Variants in TJP1 observed in about 807,000 individuals in gnomAD.
TJP1 encodes tight junction protein 1.
TJP1 carries 43 observed loss-of-function variants against 194.2 expected under a neutral mutation model. That is an observed-to-expected ratio of 0.22 (90% CI 0.17 to 0.29). The LOEUF (loss-of-function observed/expected upper bound fraction) is 0.29, where lower values mean the gene tolerates loss of function less well. Among genes scored for constraint, TJP1 ranks in the 10% least tolerant of loss-of-function variants. The pLI is 1.00. For missense variants in TJP1, 1,971 were observed against 2,185.7 expected (o/e 0.90, Z 1.96); for synonymous variants, 801 against 779.0 (o/e 1.03, Z -0.47).
chr15:29,916,709 A>C (rs2054198110), intron 2 of TJP1, among the ~76,000 whole-genome samples: 1 of 152,204 alleles, frequency 6.6e-6, no homozygotes, highest in Non-Finnish European at 1.5e-5. Flanking sequence ...CAAAGATGGG[A>C]TTCTTTCTTA....
rs964039773 is a variant in TJP1 at position 29,915,349 on chromosome 15, A to G, written c.306+40883T>C. Reference sequence around the variant, plus strand: ...TTTTTTGAGATTCTGTTTACTGGCCAACTACTATAAGAATTAACCAAAAAC... The same window carrying G: ...TTTTTTGAGATTCTGTTTACTGGCCGACTACTATAAGAATTAACCAAAAAC... On this transcript the variant is annotated intron_variant, in intron 2 of 28. Transcript: ENST00000356107. Among the ~76,000 whole-genome samples, 17 of 152,284 alleles carry G rather than the reference A, an allele frequency of 1.1e-4. No individual in the cohort carries two copies. In the East Asian group the frequency reaches 3.1e-3, roughly 28 times the overall value.
intron 2 of TJP1, among the ~76,000 whole-genome samples, chr15:29,938,648 A>G (rs1463613902): frequency 6.6e-6 from 1 of 152,220 alleles, no homozygotes; most frequent in Admixed American, 6.5e-5. Flanking sequence ...AGGGTGTCTG[A>G]AATTTCCACT....
intron 2 of TJP1, among the ~76,000 whole-genome samples, chr15:29,917,163 T>C (rs1181143586): frequency 6.6e-6 from 1 of 152,182 alleles, no homozygotes; most frequent in Non-Finnish European, 1.5e-5. Context: ...ACCTTGAAGG[T>C]GTCTATAGCT....
At chr15:29,727,825 GT>G (rs1466280953) in intron 16 of TJP1, 111 bp downstream of exon 16, 20 of 763,816 alleles carry the variant, frequency 2.6e-5, no homozygotes, top group Non-Finnish European at 3.7e-5. Context: ...TTTTCTTATA[GT>G]ATGTCAGTAA....
intron 1 of TJP1, among the ~76,000 whole-genome samples, chr15:29,818,443 C>A (rs2050087024): frequency 6.6e-6 from 1 of 152,222 alleles, no homozygotes; most frequent in Non-Finnish European, 1.5e-5. Flanking sequence ...ATCAAATACA[C>A]CAGTAAACAA....
chr15:29,913,180 G>A (rs2054075572), intron 2 of TJP1, among the ~76,000 whole-genome samples: 1 of 148,094 alleles, frequency 6.8e-6, no homozygotes, highest in Admixed American at 6.7e-5. Flanking sequence ...CATGAAAGCA[G>A]GGGGATCACA....
At chr15:29,861,392 G>A (rs887000893) in intron 2 of TJP1, among the ~76,000 whole-genome samples, 3 of 152,124 alleles carry the variant, frequency 2.0e-5, no homozygotes, top group Non-Finnish European at 2.9e-5. Context: ...ACTTCCTGAC[G>A]ATTAACCCAT....
intron 2 of TJP1, among the ~76,000 whole-genome samples, chr15:29,865,530 G>T (rs2052271889): frequency 1.3e-5 from 2 of 152,160 alleles, no homozygotes; most frequent in African/African-American, 2.4e-5. Context: ...AAGTTCCGAA[G>T]AAGTGCATTT....
At chr15:29,825,989 T>C (rs912581989), upstream of TJP1, among the ~76,000 whole-genome samples, 13 of 152,070 alleles carry the variant, frequency 8.5e-5, no homozygotes, top group Admixed American at 7.2e-4. Flanking sequence ...AATATAGGAG[T>C]ACCAACTTTT....
At chr15:29,739,276 T>A (rs568722892) in intron 10 of TJP1, among the ~76,000 whole-genome samples, 5 of 152,174 alleles carry the variant, frequency 3.3e-5, no homozygotes, top group Non-Finnish European at 2.9e-5. Flanking sequence ...CCTGCCTGCA[T>A]TATATTAACT....
chr15:29,768,706 T>C (rs2046468114), intron 4 of TJP1, among the ~76,000 whole-genome samples: 3 of 152,194 alleles, frequency 2.0e-5, no homozygotes, highest in Admixed American at 1.3e-4. Context: ...GCTTAACTTA[T>C]TGAAAGGTAA....
At chr15:29,906,831 C>T (rs915959207) in intron 2 of TJP1, among the ~76,000 whole-genome samples, 16 of 151,962 alleles carry the variant, frequency 1.1e-4, no homozygotes, top group African/African-American at 3.9e-4. Context: ...CTGCCCTTCT[C>T]AGTCTCCCAA....
rs1052862121 is a variant in TJP1, at chr15:29,738,012, C to T, written c.1257-598G>A. 1.7e-4 allele frequency among the ~76,000 whole-genome samples: 26 copies of T among 152,074 alleles called. 1 individual carries two copies. Among genetic ancestry groups the T allele is most frequent in the African/African-American group, 6.3e-4 (26 of 41,402 alleles). On this transcript the variant is annotated intron_variant, in intron 10 of 27. Coordinates refer to ENST00000614355, the MANE Select transcript of TJP1 (RefSeq NM_001330239.4). ...CAATACAAATCATATAGTCATTCAG[C>T]CTTTCTACATTAGCCCCATATCCAT...
chr15:29,743,403 C>A (rs2044555629), intron 8 of TJP1, among the ~76,000 whole-genome samples: 1 of 152,088 alleles, frequency 6.6e-6, no homozygotes, highest in African/African-American at 2.4e-5. Context: ...ATGTACTGAC[C>A]TAAGTAACAT....
At chr15:29,721,145 C>A (rs550436279) in intron 18 of TJP1, among the ~76,000 whole-genome samples, 71 of 152,138 alleles carry the variant, frequency 4.7e-4, no homozygotes, top group Non-Finnish European at 8.5e-4. Flanking sequence ...CCCAACAGTT[C>A]AAAAGTTGAA....
chr15:29,921,640 C>T (rs1008325421), intron 2 of TJP1, among the ~76,000 whole-genome samples: 5 of 152,156 alleles, frequency 3.3e-5, no homozygotes, highest in Admixed American at 2.6e-4. Flanking sequence ...TCTTTTCCAC[C>T]GCTGCATCTT....
chr15:29,845,120 A>G (rs994651287), intron 2 of TJP1, among the ~76,000 whole-genome samples: 1 of 152,370 alleles, frequency 6.6e-6, no homozygotes, highest in Middle Eastern at 3.4e-3. Context: ...GCCCTCAAAC[A>G]AAGTATGCTA....
At chr15:29,728,270 C>T (rs1293427636) in intron 15 of TJP1, 1 of 379,234 alleles carries the variant, frequency 2.6e-6, no homozygotes, top group Non-Finnish European at 4.7e-6. Flanking sequence ...TACAGGAATG[C>T]ACATTTTTTT....
At chr15:29,960,580 G>A (rs935858058) in intron 1 of TJP1, among the ~76,000 whole-genome samples, 5 of 148,896 alleles carry the variant, frequency 3.4e-5, no homozygotes, top group African/African-American at 1.0e-4. Context: ...AGGTTGCAGC[G>A]AATGGTGATC....
Sources: allele counts gnomAD v4.1 joint callset (sites outside exome capture counted in the v4.1 genomes callset), GRCh38; gene constraint gnomAD v4.1.1; transcripts MANE v1.5; gene names NCBI Gene and HGNC (gene_info 2026-07-23, HGNC 2026-07-21).